Variants in SLC2A13 observed in about 807,000 individuals in gnomAD.
SLC2A13 encodes the protein solute carrier family 2 member 13.
SLC2A13 carries 32 observed loss-of-function variants against 64.4 expected under a neutral mutation model. The observed-to-expected ratio is 0.50, with a 90% CI of 0.37 to 0.67. SLC2A13 has a LOEUF of 0.67. Ranked by LOEUF, SLC2A13 falls within the 30% of genes least tolerant of loss-of-function variation. The probability of loss-of-function intolerance (pLI) is 0.00; values close to 1 mark genes in which losing one functional copy is unlikely to be tolerated. For missense variants in SLC2A13, 743 were observed against 829.2 expected, an observed-to-expected ratio of 0.90 and a Z score of 1.28; for synonymous variants, 338 against 327.1, an observed-to-expected ratio of 1.03 and a Z score of -0.36.
rs1939965416 is a variant in SLC2A13 at position 39,756,222 on chromosome 12, T to C, written c.*3804A>G. 1.3e-5 allele frequency: 2 copies of C among 152,126 alleles called. No individual in the cohort carries two copies. Among genetic ancestry groups the C allele is most frequent in the South Asian group, 2.1e-4 (1 of 4,830 alleles). 9.4% of individuals were successfully genotyped at this position (152,126 alleles called of 1,614,324 possible). A position where few individuals can be genotyped will look rare whatever the true frequency, so the allele number is the denominator to read the frequency against. On this transcript the variant is annotated 3_prime_UTR_variant, in exon 10 of 10. Coordinates refer to ENST00000280871, the MANE Select transcript of SLC2A13 (RefSeq NM_052885.4). ...ATTGGCAGCAGCTACATATGAGCTA[T>C]AAATTTTAACCACAATTTAATACAT... is the stretch of plus-strand genomic sequence containing the variant.
At chr12:40,102,317 A>G (rs1271067739) in intron 1 of SLC2A13, among the ~76,000 whole-genome samples, 1 of 152,254 alleles carries the variant, frequency 6.6e-6, no homozygotes. Flanking sequence ...TCATTAAACT[A>G]TTACAACCAA....
intron 7 of SLC2A13, among the ~76,000 whole-genome samples, chr12:39,824,199 C>G (rs185291171): frequency 2.6e-5 from 4 of 152,292 alleles, no homozygotes; most frequent in East Asian, 1.9e-4. Context: ...ATAAACTATA[C>G]AGGTATCATT....
chr12:39,852,828 C>T (rs1247386908), intron 6 of SLC2A13, among the ~76,000 whole-genome samples: 1 of 152,166 alleles, frequency 6.6e-6, no homozygotes, highest in African/African-American at 2.4e-5. Flanking sequence ...AGCGGTATAA[C>T]TTTGTAACAT....
chr12:39,912,180 C>A (rs1230081348), intron 4 of SLC2A13, among the ~76,000 whole-genome samples: 1 of 152,052 alleles, frequency 6.6e-6, no homozygotes, highest in Non-Finnish European at 1.5e-5. Flanking sequence ...TATAGGCTAA[C>A]AGACCACATA....
chr12:40,063,070 T>C (rs946106282), intron 1 of SLC2A13, among the ~76,000 whole-genome samples: 2 of 152,172 alleles, frequency 1.3e-5, no homozygotes, highest in African/African-American at 4.8e-5. Flanking sequence ...TACCCCTTCA[T>C]TAATGATTCT....
chr12:40,066,234 G>A (rs1234809204), intron 1 of SLC2A13, among the ~76,000 whole-genome samples: 1 of 152,152 alleles, frequency 6.6e-6, no homozygotes, highest in Admixed American at 6.6e-5. Flanking sequence ...ATAATGCAAT[G>A]AGTGAAAGAA....
chr12:40,005,659 G>A (rs1947401945), intron 3 of SLC2A13, among the ~76,000 whole-genome samples: 1 of 152,186 alleles, frequency 6.6e-6, no homozygotes, highest in Non-Finnish European at 1.5e-5. Flanking sequence ...ATGAAGCCCA[G>A]TAATCTATGT....
chr12:39,959,355 C>G (rs1465626448), intron 3 of SLC2A13, among the ~76,000 whole-genome samples: 1 of 152,226 alleles, frequency 6.6e-6, no homozygotes, highest in Non-Finnish European at 1.5e-5. Context: ...CCAAAATCCT[C>G]CAAGGCAATC....
At chr12:39,942,234 T>A (rs1276814805) in intron 4 of SLC2A13, among the ~76,000 whole-genome samples, 1 of 152,154 alleles carries the variant, frequency 6.6e-6, no homozygotes, top group African/African-American at 2.4e-5. Context: ...TGTTTTTTTC[T>A]AATTCTGTGA....
At chr12:39,998,878 C>T (rs1440888639) in intron 3 of SLC2A13, among the ~76,000 whole-genome samples, 8 of 152,090 alleles carry the variant, frequency 5.3e-5, no homozygotes, top group Admixed American at 5.2e-4. Context: ...ATCTTGAATT[C>T]CCACATGTTG....
chr12:39,872,013 G>C (rs775321791), intron 4 of SLC2A13, 52 bp from the exon 5 acceptor site: 3 of 1,408,476 alleles, frequency 2.1e-6, no homozygotes, highest in East Asian at 5.2e-5. Context: ...CAAAGAAACA[G>C]GGTTATTTTG....
At chr12:39,897,186 T>A (rs1433015661) in intron 4 of SLC2A13, among the ~76,000 whole-genome samples, 2 of 152,154 alleles carry the variant, frequency 1.3e-5, no homozygotes, top group Non-Finnish European at 2.9e-5. Flanking sequence ...TAGGACTCAA[T>A]CTTTCCATCC....
At chr12:39,965,191 C>A (rs1426010934) in intron 3 of SLC2A13, among the ~76,000 whole-genome samples, 1 of 152,120 alleles carries the variant, frequency 6.6e-6, no homozygotes, top group African/African-American at 2.4e-5. Context: ...CTTCAATTTT[C>A]TTTGCCCCAA....
intron 7 of SLC2A13, among the ~76,000 whole-genome samples, chr12:39,785,578 G>T (rs1941157408): frequency 6.6e-6 from 1 of 152,176 alleles, no homozygotes. Context: ...CTGCCTGGTG[G>T]AGCTGTGAGA....
rs75826584 is a variant in SLC2A13, at chr12:39,808,690, A to G, written c.1445+21413T>C. Among the ~76,000 whole-genome samples the G allele has an allele frequency of 5.2e-3, 786 of 152,254 alleles. 8 individuals are homozygous for G. Among genetic ancestry groups the G allele is most frequent in the East Asian group, 0.024 (126 of 5,182 alleles). On this transcript the variant is annotated intron_variant, in intron 7 of 9. Coordinates refer to ENST00000280871, the MANE Select transcript of SLC2A13 (RefSeq NM_052885.4). ...TCTTTAATGATTAATAATGTTGAACATTATATCTATGTGCTTATTTGCCAT... is the reference window on the plus strand; with the variant it reads ...TCTTTAATGATTAATAATGTTGAACGTTATATCTATGTGCTTATTTGCCAT...
chr12:39,920,334 C>T (rs898193840), intron 4 of SLC2A13, among the ~76,000 whole-genome samples: 5 of 152,140 alleles, frequency 3.3e-5, no homozygotes, highest in South Asian at 2.1e-4. Context: ...TTCTGAACAA[C>T]GTAGATGCCC....
chr12:39,810,788 A>T (rs1942133915), intron 7 of SLC2A13, among the ~76,000 whole-genome samples: 3 of 152,210 alleles, frequency 2.0e-5, no homozygotes, highest in South Asian at 2.1e-4. Context: ...TTGAATACAG[A>T]TGTTAAATCA....
Position 39,759,772 on chromosome 12 carries a change from G to A in SLC2A13, c.*254C>T. On this transcript the variant is annotated 3_prime_UTR_variant, in exon 10 of 10. Coordinates refer to ENST00000280871, the MANE Select transcript of SLC2A13 (RefSeq NM_052885.4). ...ACAATATTCATTTTAGACTATTTCAGGAAGGCATTACACACATTTGCTTAA... is the reference window on the plus strand; with the variant it reads ...ACAATATTCATTTTAGACTATTTCAAGAAGGCATTACACACATTTGCTTAA... 2 of 419,688 alleles carry A rather than the reference G, an allele frequency of 4.8e-6. No homozygotes were observed. The highest frequency in any genetic ancestry group is 3.3e-5 in the South Asian group (1 of 30,208). The allele number at this position is 419,688 out of a possible 1,614,324, so 26.0% of individuals were successfully genotyped here.
In SLC2A13 at chr12:39,764,810, G is replaced by A. The variant is rs1438045829; in HGVS notation, c.1494C>T (p.Tyr498=). The A allele has an allele frequency of 1.2e-6, 2 of 1,612,500 alleles. No individual in the cohort carries two copies. The highest frequency in any genetic ancestry group is 1.7e-4 in the Middle Eastern group (1 of 6,034). ...KFKTEDIFWA[Y]NFCPTPYSWT... is the part of the protein sequence containing the mutation. Reference sequence around the variant, plus strand: ...AGGAGTATGGAGTAGGGCAGAAATTGTAAGCCCAAAATATATCTTCTGTTT... The same window carrying A: ...AGGAGTATGGAGTAGGGCAGAAATTATAAGCCCAAAATATATCTTCTGTTT... The change falls in exon 8 of 10, where the codon TAC becomes TAT. Residue 498 remains tyrosine, a synonymous_variant. Coordinates refer to ENST00000280871, the MANE Select transcript of SLC2A13 (RefSeq NM_052885.4).
Sources: gnomAD v4.1 joint callset for allele counts (sites outside exome capture counted in the v4.1 genomes callset) on GRCh38, gnomAD v4.1.1 for gene constraint, MANE v1.5 for transcripts, NCBI Gene and HGNC (gene_info 2026-07-23, HGNC 2026-07-21) for gene names.